SOX5: variants seen among roughly 807,000 people sequenced by gnomAD.
The protein encoded by SOX5 is SRY-box transcription factor 5.
In SOX5, 9 loss-of-function variants were observed where a neutral mutation model predicts 92.0. The observed-to-expected ratio is 0.10, with a 90% CI of 0.06 to 0.17. The LOEUF is 0.17. Ranked by LOEUF, SOX5 falls within the 10% of genes least tolerant of loss-of-function variation. The pLI, the probability that SOX5 is intolerant of heterozygous loss-of-function variation, is 1.00. For missense variants in SOX5, 642 were observed against 944.5 expected (o/e 0.68, Z 4.20); for synonymous variants, 344 against 336.3 (o/e 1.02, Z -0.25).
intron 1 of SOX5, among the ~76,000 whole-genome samples, chr12:24,562,074 C>A (rs1954417190): frequency 6.6e-6 from 1 of 152,352 alleles, no homozygotes; most frequent in African/African-American, 2.4e-5. Context: ...CGGCCAGCCG[C>A]CCCCGGGGAT....
At chr12:24,270,384 C>T (rs553183761) in intron 3 of SOX5, among the ~76,000 whole-genome samples, 1 of 152,196 alleles carries the variant, frequency 6.6e-6, no homozygotes, top group Non-Finnish European at 1.5e-5. Context: ...TTATAAGAAC[C>T]TTCAATTATT....
intron 2 of SOX5, among the ~76,000 whole-genome samples, chr12:24,346,601 T>C (rs1316169794): frequency 6.6e-6 from 1 of 151,904 alleles, no homozygotes; most frequent in Non-Finnish European, 1.5e-5. Context: ...TACAGGTGCG[T>C]GCCACCATGT....
At chr12:24,056,009 CT>C (rs1958059399) in intron 4 of SOX5, among the ~76,000 whole-genome samples, 1 of 152,220 alleles carries the variant, frequency 6.6e-6, no homozygotes, top group African/African-American at 2.4e-5. Flanking sequence ...CACTCTCAAT[CT>C]TTAACCATGT....
intron 4 of SOX5, among the ~76,000 whole-genome samples, chr12:24,120,303 T>G (rs1948480631): frequency 6.6e-6 from 1 of 152,172 alleles, no homozygotes; most frequent in Non-Finnish European, 1.5e-5. Context: ...TTATTAGAGT[T>G]CCAGTTTCTC....
At chr12:24,456,124 T>C (rs552330940) in intron 1 of SOX5, among the ~76,000 whole-genome samples, 1 of 152,232 alleles carries the variant, frequency 6.6e-6, no homozygotes, top group South Asian at 2.1e-4. Context: ...GACTTCACAA[T>C]GAGAGTGGCT....
chr12:24,242,379 C>T (rs1466212656), intron 3 of SOX5, among the ~76,000 whole-genome samples: 2 of 152,172 alleles, frequency 1.3e-5, no homozygotes, highest in Admixed American at 6.6e-5. Context: ...GAAAGTTTTG[C>T]TACAGTTCTG....
intron 4 of SOX5, among the ~76,000 whole-genome samples, chr12:24,149,330 A>C (rs538786924): frequency 6.6e-6 from 1 of 152,300 alleles, no homozygotes; most frequent in South Asian, 2.1e-4. Context: ...ATCCGAAAAT[A>C]TATAAAAGAC....
At chr12:24,414,494 T>A (rs1342699743) in intron 1 of SOX5, among the ~76,000 whole-genome samples, 1 of 152,216 alleles carries the variant, frequency 6.6e-6, no homozygotes, top group Non-Finnish European at 1.5e-5. Flanking sequence ...GTGCTAATAC[T>A]CTGCATCAAA....
Position 23,530,818 on chromosome 12 carries a change from T to TGTGTGTGTGTGTGTGCGCGCGCGC in SOX5, c.*3400_*3401insGCGCGCGCGCACACACACACACAC. 1.5e-4 allele frequency: 20 copies of TGTGTGTGTGTGTGTGCGCGCGCGC among 132,112 alleles called. No individual in the cohort carries two copies. Among genetic ancestry groups the TGTGTGTGTGTGTGTGCGCGCGCGC allele is most frequent in the African/African-American group, 3.6e-4 (13 of 36,196 alleles). The allele number at this position is 132,112 out of a possible 1,614,324, so 8.2% of individuals were successfully genotyped here. A position where few individuals can be genotyped will look rare whatever the true frequency, so the allele number is the denominator to read the frequency against. On this transcript the variant is annotated 3_prime_UTR_variant, in exon 15 of 15. Transcript: ENST00000451604. ...GGGCAAGTGTGTGTGTGTGTGTGTG[T>TGTGTGTGTGTGTGTGCGCGCGCGC]GCGCGCGCGCGCGCGCGCATGTGAG...
chr12:23,949,032 G>A (rs935762831), intron 1 of SOX5, among the ~76,000 whole-genome samples: 1 of 151,926 alleles, frequency 6.6e-6, no homozygotes, highest in East Asian at 1.9e-4. Flanking sequence ...TTTCTTTGGG[G>A]GGAAAAAACG....
intron 1 of SOX5, among the ~76,000 whole-genome samples, chr12:24,401,878 C>T (rs2136650019): frequency 1.3e-5 from 2 of 152,168 alleles, no homozygotes; most frequent in South Asian, 4.1e-4. Flanking sequence ...ATCTGCAAAA[C>T]TGTTTTAGCC....
intron 2 of SOX5, among the ~76,000 whole-genome samples, chr12:23,891,034 T>C (rs757479360): frequency 5.5e-4 from 84 of 152,198 alleles, no homozygotes; most frequent in Admixed American, 9.8e-4. Flanking sequence ...GTCTTTTTCA[T>C]AGACTTATAA....
intron 1 of SOX5, among the ~76,000 whole-genome samples, chr12:24,385,155 T>C (rs1958250588): frequency 6.6e-6 from 1 of 152,194 alleles, no homozygotes; most frequent in African/African-American, 2.4e-5. Flanking sequence ...TTATTAAAGA[T>C]ATGTATATGT....
Position 24,558,181 on chromosome 12 carries a change from A to G in SOX5, c.-251+4148T>C, listed in dbSNP as rs542317961. On this transcript the variant is annotated intron_variant, in intron 1 of 4. Transcript: ENST00000446891. ...AATTAAACCATAATGAACTATTAGC[A>G]ACTTTAAAATAATTAGCTTATGAGC... Among the ~76,000 whole-genome samples the G allele has an allele frequency of 5.3e-5, 8 of 152,350 alleles. No individual in the cohort carries two copies. In the South Asian group the frequency reaches 1.7e-3, roughly 32 times the overall value.
chr12:23,602,634 A>G (rs1392038827), intron 9 of SOX5, among the ~76,000 whole-genome samples: 2 of 152,128 alleles, frequency 1.3e-5, no homozygotes, highest in African/African-American at 2.4e-5. Context: ...TCATTACGAA[A>G]CATGATGTGA....
chr12:24,435,210 AT>A (rs1365504810), intron 1 of SOX5, among the ~76,000 whole-genome samples: 3 of 152,224 alleles, frequency 2.0e-5, no homozygotes, highest in African/African-American at 7.2e-5. Flanking sequence ...GTGGCCTAGA[AT>A]GGCTTCCACA....
chr12:24,136,168 C>A (rs1249469003), intron 4 of SOX5, among the ~76,000 whole-genome samples: 1 of 152,168 alleles, frequency 6.6e-6, no homozygotes, highest in Non-Finnish European at 1.5e-5. Flanking sequence ...TGATGACAGA[C>A]AGGACACGTG....
chr12:24,187,908 A>G (rs892055441), intron 4 of SOX5, among the ~76,000 whole-genome samples: 5 of 152,200 alleles, frequency 3.3e-5, no homozygotes, highest in African/African-American at 9.6e-5. Context: ...TAATATCACT[A>G]CTTAGCAACG....
At chr12:24,238,773 C>T (rs1965017676) in intron 3 of SOX5, among the ~76,000 whole-genome samples, 1 of 152,138 alleles carries the variant, frequency 6.6e-6, no homozygotes, top group South Asian at 2.1e-4. Flanking sequence ...TTACATAATC[C>T]AAATAATGCA....
Sources: gnomAD v4.1 joint callset for allele counts (sites outside exome capture counted in the v4.1 genomes callset) on GRCh38, gnomAD v4.1.1 for gene constraint, MANE v1.5 for transcripts, NCBI Gene and HGNC (gene_info 2026-07-23, HGNC 2026-07-21) for gene names.